Variants in LRRC9 observed in about 807,000 individuals in gnomAD.
The protein encoded by LRRC9 is leucine-rich repeat-containing protein 9.
Under a neutral mutation model 63.2 loss-of-function variants are expected in LRRC9, and 122 were observed. The observed-to-expected ratio is 1.93, with a 90% CI of 1.67 to 2.24. The LOEUF (loss-of-function observed/expected upper bound fraction) is 2.24. LRRC9 is among the 30% of genes most tolerant of loss of function. LRRC9 has a pLI of 0.00. For synonymous variants in LRRC9, 366 were observed against 213.1 expected, an observed-to-expected ratio of 1.72 and a Z score of -6.25; for missense variants, 1,071 against 627.7, an observed-to-expected ratio of 1.71 and a Z score of -7.55.
At position 60,015,504 on chromosome 14, in the gene LRRC9, T is replaced by G. The variant is rs551504928; in HGVS notation, c.3187-1156T>G. ...AGTTCAAATTCCTCCATTTGGCTTCTGTTGACAACCTGGAGGTGTGTTCTT... is the reference window on the plus strand; with the variant it reads ...AGTTCAAATTCCTCCATTTGGCTTCGGTTGACAACCTGGAGGTGTGTTCTT... On this transcript the variant is annotated intron_variant, in intron 23 of 31. Transcript: ENST00000445360. Among the ~76,000 whole-genome samples, 3 of 152,334 alleles carry G rather than the reference T, an allele frequency of 2.0e-5. No individual in the cohort carries two copies. In the South Asian group the frequency reaches 6.2e-4, roughly 32 times the overall value.
chr14:59,937,777 A>G (rs749795390), intron 6 of LRRC9, among the ~76,000 whole-genome samples: 23 of 152,192 alleles, frequency 1.5e-4, no homozygotes, highest in Non-Finnish European at 3.1e-4. Context: ...CTGAGAGTGC[A>G]TATCAATCCC....
At chr14:59,992,899 A>C (rs902904659) in intron 17 of LRRC9, among the ~76,000 whole-genome samples, 13 of 152,236 alleles carry the variant, frequency 8.5e-5, no homozygotes, top group African/African-American at 3.1e-4. Flanking sequence ...TATTATCCAG[A>C]AGAACTTCCC....
Position 60,058,978 on chromosome 14 carries a change from G to A in LRRC9, c.4276+956G>A, listed in dbSNP as rs542708456. The A allele has an allele frequency of 4.4e-4, 67 of 151,926 alleles. No homozygotes were observed. The highest frequency in any genetic ancestry group is 1.2e-3 in the Admixed American group (18 of 15,248). 9.4% of individuals were successfully genotyped at this position (151,926 alleles called of 1,614,324 possible). ...TTTGTCTACAACTGTCAGTAAAATT[G>A]GGCATACCAAATTGTTATTACCTCC... On this transcript the variant is annotated intron_variant, in intron 31 of 31. Coordinates refer to ENST00000445360, the Ensembl canonical transcript of LRRC9. The surrounding 1 kb of genome is among the most constrained non-coding windows in gnomAD (Gnocchi z 4.4).
At position 60,038,290 on chromosome 14, in the gene LRRC9, CA is replaced by C. The variant is rs1403808662; in HGVS notation, c.3990+6229del. ...ATATGAACTTTAAAGTAGTTTTTTCCAATTCTGTGAAGAAAGTCGTTGGTAG... is the reference window on the plus strand; with the variant it reads ...ATATGAACTTTAAAGTAGTTTTTTCCATTCTGTGAAGAAAGTCGTTGGTAG... On this transcript the variant is annotated intron_variant, in intron 29 of 31. Transcript: ENST00000445360. Among the ~76,000 whole-genome samples the C allele has an allele frequency of 9.9e-5, 15 of 152,204 alleles. 1 individual carries two copies. The highest frequency in any genetic ancestry group is 6.5e-4 in the Admixed American group (10 of 15,294).
At position 60,008,000 on chromosome 14, in the gene LRRC9, A is replaced by G. The variant is rs1409704428; in HGVS notation, c.3064-92A>G. ...GCACTGAAATCCCATGGAATGATAGATAATTCCAATATTAAAATTTGAGGA... is the reference window on the plus strand; with the variant it reads ...GCACTGAAATCCCATGGAATGATAGGTAATTCCAATATTAAAATTTGAGGA... On this transcript the variant is annotated intron_variant, in intron 22 of 31. Transcript: ENST00000445360. 10 of 501,476 alleles carry G rather than the reference A, an allele frequency of 2.0e-5. No individual in the cohort carries two copies. The Admixed American group carries it at 3.4e-4, about 17-fold the overall frequency. The allele number at this position is 501,476 out of a possible 1,614,324, so 31.1% of individuals were successfully genotyped here.
At chr14:60,025,741 G>A (rs1273983092) in intron 27 of LRRC9, among the ~76,000 whole-genome samples, 1 of 151,508 alleles carries the variant, frequency 6.6e-6, no homozygotes, top group Non-Finnish European at 1.5e-5. Flanking sequence ...GTTTGCACCA[G>A]TGTGTGTTAT....
At chr14:60,047,178 T>C (rs569310391) in intron 29 of LRRC9, among the ~76,000 whole-genome samples, 3 of 152,314 alleles carry the variant, frequency 2.0e-5, no homozygotes, top group Non-Finnish European at 4.4e-5. Flanking sequence ...TCAGGTTTTC[T>C]AGACACAGGA....
chr14:59,992,998 A>G (rs545331021), intron 17 of LRRC9, among the ~76,000 whole-genome samples: 2 of 152,324 alleles, frequency 1.3e-5, no homozygotes, highest in African/African-American at 2.4e-5. Flanking sequence ...TCCAAGACAC[A>G]TAATTGTCAG....
intron 19 of LRRC9, among the ~76,000 whole-genome samples, chr14:60,001,739 C>A (rs947150291): frequency 4.6e-5 from 7 of 152,058 alleles, no homozygotes; most frequent in Non-Finnish European, 8.8e-5. Flanking sequence ...AATCATTTTA[C>A]AGTCTTATAA....
intron 29 of LRRC9, among the ~76,000 whole-genome samples, chr14:60,039,018 T>C (rs534818930): frequency 6.6e-6 from 1 of 152,350 alleles, no homozygotes; most frequent in African/African-American, 2.4e-5. Flanking sequence ...TCTATTGAGA[T>C]AATCATGTAG....
exon 27 of LRRC9, chr14:60,022,781 A>G: frequency 1.4e-6 from 1 of 690,364 alleles, no homozygotes; most frequent in Non-Finnish European, 2.6e-6. Context: ...CACAGTTTAG[A>G]AGTTCTTCAT....
At position 59,927,961 on chromosome 14, in the gene LRRC9, C is replaced by G; in HGVS notation, c.18C>G (p.Asn6Lys). 2 of 681,562 alleles carry G rather than the reference C, an allele frequency of 2.9e-6. No individual in the cohort carries two copies. The highest frequency in any genetic ancestry group is 5.3e-6 in the Non-Finnish European group (2 of 375,630). The allele number at this position is 681,562 out of a possible 1,614,324, so 42.2% of individuals were successfully genotyped here. Residue 6 changes from asparagine to lysine, a missense_variant, in exon 2 of 32, where the codon AAC becomes AAG. Transcript: ENST00000445360. This position sits in a 1 kb window ranked among gnomAD's most constrained non-coding sequence, Gnocchi z 4.4. ...AATGGAAGATGATTGAAAGTGAAAA[C>G]CTAAACCAAGAAGAAATAATTAAAG... is the stretch of plus-strand genomic sequence containing the variant.
intron 1 of LRRC9, among the ~76,000 whole-genome samples, chr14:59,925,069 G>C (rs1192258909): frequency 1.3e-5 from 2 of 151,856 alleles, no homozygotes; most frequent in Non-Finnish European, 2.9e-5. Context: ...GTCATTCTCT[G>C]TCTGGGGTTC....
intron 31 of LRRC9, among the ~76,000 whole-genome samples, chr14:60,061,241 A>T (rs1335252968): frequency 6.6e-6 from 1 of 152,168 alleles, no homozygotes; most frequent in Non-Finnish European, 1.5e-5. Context: ...TGTACACAGA[A>T]ATCTTTCATG....
At chr14:59,996,542 T>G (rs1888811969) in intron 17 of LRRC9, among the ~76,000 whole-genome samples, 1 of 151,896 alleles carries the variant, frequency 6.6e-6, no homozygotes. Flanking sequence ...ACAAGTAAGA[T>G]GAAGATATGA....
At chr14:59,944,813 A>G (rs1882170565) in intron 8 of LRRC9, 69 bp downstream of exon 8, 1 of 570,180 alleles carries the variant, frequency 1.8e-6, no homozygotes, top group Non-Finnish European at 3.1e-6. Context: ...ATAGCAAGCA[A>G]TATCTTTTAA....
chr14:59,972,291 A>C (rs1363100160), intron 12 of LRRC9, among the ~76,000 whole-genome samples: 1 of 152,132 alleles, frequency 6.6e-6, no homozygotes, highest in Non-Finnish European at 1.5e-5. Flanking sequence ...TTGCAGGTTA[A>C]TCCAAAAAGT....
chr14:59,985,623 T>C (rs1887385255), intron 17 of LRRC9, among the ~76,000 whole-genome samples: 1 of 152,100 alleles, frequency 6.6e-6, no homozygotes, highest in Admixed American at 6.5e-5. Context: ...AGAGGACAAA[T>C]GATAAATTGG....
chr14:60,049,905 G>C (rs951680597), intron 29 of LRRC9, among the ~76,000 whole-genome samples: 6 of 152,038 alleles, frequency 3.9e-5, no homozygotes, highest in Admixed American at 3.3e-4. Context: ...TCAGTCATAG[G>C]TTCGATCTTT....
Sources: gnomAD v4.1 joint callset for allele counts (sites outside exome capture counted in the v4.1 genomes callset) on GRCh38, gnomAD v4.1.1 for gene constraint, Gnocchi (gnomAD v3.1) non-coding constraint, MANE v1.5 for transcripts, NCBI Gene and HGNC (gene_info 2026-07-23, HGNC 2026-07-21) for gene names.